The following EXOC4 variants were observed in gnomAD, a reference collection of about 807,000 sequenced individuals.
EXOC4 encodes SEC8-like 1.
EXOC4 carries 71 observed loss-of-function variants against 107.2 expected under a neutral mutation model. The ratio of observed to expected loss-of-function variants is 0.66; its 90% CI spans 0.55 to 0.81. The LOEUF (loss-of-function observed/expected upper bound fraction) is 0.81. Ranked by LOEUF, EXOC4 falls within the 30% of genes least tolerant of loss-of-function variation. The pLI, the probability that EXOC4 is intolerant of heterozygous loss-of-function variation, is 0.00. For missense variants in EXOC4, 1,108 were observed against 1,189.6 expected, an observed-to-expected ratio of 0.93 and a Z score of 1.01; for synonymous variants, 456 against 441.2, an observed-to-expected ratio of 1.03 and a Z score of -0.42.
chr7:134,037,313 C>T (rs1019010258), intron 17 of EXOC4, among the ~76,000 whole-genome samples: 1 of 152,150 alleles, frequency 6.6e-6, no homozygotes, highest in Non-Finnish European at 1.5e-5. Flanking sequence ...GAATGGTTTC[C>T]TCACAGAAGG....
At chr7:133,559,319 G>A (rs1800764252) in intron 9 of EXOC4, among the ~76,000 whole-genome samples, 1 of 151,732 alleles carries the variant, frequency 6.6e-6, no homozygotes, top group Admixed American at 6.6e-5. Context: ...AATTTTCTTT[G>A]GTTAAGCTTT....
chr7:133,576,047 G>A (rs1422565297), intron 9 of EXOC4, among the ~76,000 whole-genome samples: 2 of 152,154 alleles, frequency 1.3e-5, no homozygotes, highest in Non-Finnish European at 2.9e-5. Flanking sequence ...AGCACTGCCA[G>A]CACTTTTCTT....
At chr7:133,452,294 G>GA (rs561522990) in intron 7 of EXOC4, among the ~76,000 whole-genome samples, 2 of 151,342 alleles carry the variant, frequency 1.3e-5, no homozygotes, top group Admixed American at 6.6e-5. Flanking sequence ...ATAAGATTAG[G>GA]AAAAAAAAGT....
At chr7:133,767,194 C>G (rs1165901574) in intron 10 of EXOC4, among the ~76,000 whole-genome samples, 2 of 151,838 alleles carry the variant, frequency 1.3e-5, no homozygotes, top group Non-Finnish European at 2.9e-5. Flanking sequence ...CCTAGTCACT[C>G]TCCCTAATTT....
At chr7:133,646,040 C>T (rs969024417) in intron 10 of EXOC4, among the ~76,000 whole-genome samples, 17 of 123,100 alleles carry the variant, frequency 1.4e-4, no homozygotes, top group African/African-American at 4.3e-4. Flanking sequence ...CTTCTCCTCT[C>T]CTCCTCTCCC....
intron 7 of EXOC4, among the ~76,000 whole-genome samples, chr7:133,422,106 T>C (rs1008705850): frequency 2.0e-5 from 3 of 152,338 alleles, no homozygotes; most frequent in Admixed American, 6.5e-5. Context: ...CTTTTGTCCC[T>C]GATTGATGAT....
At chr7:133,757,293 G>T (rs936675078) in intron 10 of EXOC4, among the ~76,000 whole-genome samples, 5 of 152,192 alleles carry the variant, frequency 3.3e-5, no homozygotes, top group Non-Finnish European at 7.3e-5. Flanking sequence ...GCTCAGGATT[G>T]TTCTGCTGAG....
At chr7:133,966,677 A>G (rs1801078329) in intron 14 of EXOC4, among the ~76,000 whole-genome samples, 1 of 152,114 alleles carries the variant, frequency 6.6e-6, no homozygotes, top group Non-Finnish European at 1.5e-5. Context: ...GATGAAGCCA[A>G]CTCGATCATG....
intron 10 of EXOC4, among the ~76,000 whole-genome samples, chr7:133,809,025 TC>T (rs1585162591): frequency 7.8e-6 from 1 of 127,944 alleles, no homozygotes; most frequent in African/African-American, 2.7e-5. Flanking sequence ...TCATTCTCAT[TC>T]TGGGTCCAAA....
intron 9 of EXOC4, chr7:133,576,994 G>A (rs2150963895): frequency 1.8e-6 from 1 of 566,882 alleles, no homozygotes; most frequent in Non-Finnish European, 2.7e-6. Flanking sequence ...GGGGTTGGAT[G>A]TCTGTTTTCA....
intron 13 of EXOC4, among the ~76,000 whole-genome samples, chr7:133,928,481 T>C (rs914701417): frequency 2.6e-5 from 4 of 152,202 alleles, no homozygotes; most frequent in Non-Finnish European, 5.9e-5. Flanking sequence ...CACATCTGTC[T>C]TTCTCTCCCT....
chr7:133,317,236 T>C (rs776995359), intron 4 of EXOC4, 48 bp from the exon 5 acceptor site: 3 of 1,348,640 alleles, frequency 2.2e-6, no homozygotes, highest in Non-Finnish European at 3.2e-6. Context: ...GGGAGGACTT[T>C]AGTTGGTTTT....
chr7:133,714,692 C>T (rs965574680), intron 10 of EXOC4, among the ~76,000 whole-genome samples: 3 of 152,074 alleles, frequency 2.0e-5, no homozygotes, highest in Non-Finnish European at 2.9e-5. Flanking sequence ...AGTAACCTAG[C>T]GATGATTTAA....
chr7:134,062,493 C>T (rs1479933662), intron 17 of EXOC4, among the ~76,000 whole-genome samples: 7 of 152,138 alleles, frequency 4.6e-5, no homozygotes, highest in African/African-American at 1.7e-4. Flanking sequence ...ATTCACGGCC[C>T]TGAGTCTAAT....
In EXOC4 at chr7:133,502,067, G is replaced by A. The variant is rs368562404; in HGVS notation, c.1417+21929G>A. Among the ~76,000 whole-genome samples the A allele has an allele frequency of 2.0e-5, 3 of 152,182 alleles. No individual in the cohort carries two copies. The East Asian group carries it at 5.8e-4, about 29-fold the overall frequency. ...AGGGCCGCAATTAACACTCGAGGAA[G>A]CTTAAATTTCCAGCTTTTTGATTCT... On this transcript the variant is annotated intron_variant, in intron 9 of 17. Transcript: ENST00000253861.
intron 11 of EXOC4, chr7:133,895,072 A>G (rs1484438200): frequency 1.0e-5 from 1 of 100,476 alleles, no homozygotes; most frequent in Non-Finnish European, 1.9e-5. Flanking sequence ...TGTGCTAGCA[A>G]TCAGCGAGAT....
At chr7:133,464,806 G>T (rs1168559902) in intron 7 of EXOC4, among the ~76,000 whole-genome samples, 5,440 of 26,256 alleles carry the variant, frequency 0.21, 478 homozygotes, top group East Asian at 0.31. Flanking sequence ...TTGTTGGTTG[G>T]GTTGGTTTTT....
intron 9 of EXOC4, among the ~76,000 whole-genome samples, chr7:133,551,390 T>G (rs973962529): frequency 6.6e-6 from 1 of 152,144 alleles, no homozygotes; most frequent in African/African-American, 2.4e-5. Context: ...TAGGTTTTTC[T>G]AAGGATAGAT....
chr7:133,565,532 C>T (rs931964504), intron 9 of EXOC4, among the ~76,000 whole-genome samples: 6 of 152,080 alleles, frequency 3.9e-5, no homozygotes, highest in African/African-American at 9.7e-5. Flanking sequence ...TCAGAGTTTT[C>T]GTGATTCAGT....
Sources: allele counts gnomAD v4.1 joint callset (sites outside exome capture counted in the v4.1 genomes callset), GRCh38; gene constraint gnomAD v4.1.1; transcripts MANE v1.5; gene names NCBI Gene and HGNC (gene_info 2026-07-23, HGNC 2026-07-21).